The following MME variants were observed in gnomAD, a reference collection of about 807,000 sequenced individuals.
MME encodes neprilysin.
In MME, 98 loss-of-function variants were observed where a neutral mutation model predicts 113.2. The ratio of observed to expected loss-of-function variants is 0.87; its 90% CI spans 0.74 to 1.02. MME has a LOEUF of 1.02. MME is among the 50% of genes least tolerant of loss of function. MME has a pLI of 0.00. For missense variants in MME, 836 were observed against 896.0 expected, an observed-to-expected ratio of 0.93 and a Z score of 0.86; for synonymous variants, 292 against 300.6, an observed-to-expected ratio of 0.97 and a Z score of 0.30.
intron 7 of MME, among the ~76,000 whole-genome samples, chr3:155,117,480 T>G (rs890874485): frequency 3.3e-5 from 5 of 152,214 alleles, no homozygotes; most frequent in Admixed American, 6.5e-5. Flanking sequence ...AAAATGGATT[T>G]ATTGTATTTT....
intron 22 of MME, among the ~76,000 whole-genome samples, chr3:155,176,578 C>T (rs1712539792): frequency 1.3e-5 from 2 of 152,124 alleles, no homozygotes; most frequent in South Asian, 4.1e-4. Flanking sequence ...TTAATTCCAG[C>T]ACTTTGGGAG....
In MME at chr3:155,042,914, A is replaced by ATG. The variant is rs1257688460; in HGVS notation, c.-11+18591_-11+18592insGT. On this transcript the variant is annotated intron_variant, in intron 1 of 22. Coordinates refer to the MME transcript ENST00000492661. ...AATAGTAGGTTTTATATATATATAT[A>ATG]TATATATATATATATATATATATAT... 1.6e-4 allele frequency among the ~76,000 whole-genome samples: 7 copies of ATG among 44,682 alleles called. No homozygotes were observed. In the South Asian group the frequency reaches 2.5e-3, roughly 16 times the overall value. The allele number at this position is 44,682 out of a possible 152,430, so 29.3% of individuals were successfully genotyped here. A position where few individuals can be genotyped will look rare whatever the true frequency, so the allele number is the denominator to read the frequency against.
rs564561420 is a variant in MME at position 155,176,840 on chromosome 3, A to T, written c.2154-3520A>T. On this transcript the variant is annotated intron_variant, in intron 22 of 22. Transcript: ENST00000360490. ...GACCCTGTCTCAGAAAAAATAGATG[A>T]TCTATTCAAAGATTTGATGTCATAA... 3.3e-5 allele frequency among the ~76,000 whole-genome samples: 5 copies of T among 152,258 alleles called. No individual in the cohort carries two copies. In the East Asian group the frequency reaches 9.7e-4, roughly 29 times the overall value.
intron 16 of MME, among the ~76,000 whole-genome samples, chr3:155,153,047 T>C (rs1347872674): frequency 1.3e-5 from 2 of 151,852 alleles, no homozygotes; most frequent in Non-Finnish European, 2.9e-5. Flanking sequence ...ACTTTTTTTT[T>C]TTTTTTTAAG....
intron 1 of MME, among the ~76,000 whole-genome samples, chr3:155,041,564 A>C (rs960403062): frequency 1.3e-5 from 2 of 152,206 alleles, no homozygotes; most frequent in African/African-American, 4.8e-5. Flanking sequence ...AGAAAGAGCA[A>C]TCAAGACATG....
intron 1 of MME, among the ~76,000 whole-genome samples, chr3:155,061,036 CAGTT>C (rs1441590727): frequency 1.3e-5 from 2 of 152,166 alleles, no homozygotes; most frequent in Admixed American, 1.3e-4. Context: ...ATGCAAACAT[CAGTT>C]AGAGGGCTAA....
chr3:155,092,989 G>A (rs1716420961), intron 3 of MME, among the ~76,000 whole-genome samples: 2 of 151,400 alleles, frequency 1.3e-5, no homozygotes, highest in African/African-American at 4.9e-5. Flanking sequence ...GCACAACTGT[G>A]TAAATTTACC....
intron 3 of MME, among the ~76,000 whole-genome samples, chr3:155,108,989 G>A (rs575539918): frequency 5.3e-5 from 8 of 152,246 alleles, no homozygotes; most frequent in South Asian, 4.1e-4. Flanking sequence ...TGGGGGTCCC[G>A]TGTAACTGGA....
chr3:155,167,608 T>C (rs1487146622), intron 18 of MME, among the ~76,000 whole-genome samples: 1 of 152,150 alleles, frequency 6.6e-6, no homozygotes, highest in Non-Finnish European at 1.5e-5. Flanking sequence ...GTTCAATCTA[T>C]GACAAATTTC....
At chr3:155,108,199 C>T (rs1311423740) in intron 3 of MME, among the ~76,000 whole-genome samples, 1 of 152,168 alleles carries the variant, frequency 6.6e-6, no homozygotes, top group African/African-American at 2.4e-5. Context: ...TAGAACAAAA[C>T]TCATATAAAT....
intron 22 of MME, among the ~76,000 whole-genome samples, chr3:155,179,179 A>G (rs1364718450): frequency 1.3e-5 from 2 of 152,162 alleles, no homozygotes; most frequent in Admixed American, 1.3e-4. Context: ...GGTAGCAGGA[A>G]GCTCTGAAGA....
intron 8 of MME, among the ~76,000 whole-genome samples, chr3:155,119,677 T>C (rs1320451804): frequency 1.1e-3 from 172 of 151,240 alleles, no homozygotes; most frequent in African/African-American, 3.7e-3. Flanking sequence ...GTTTGGTTTT[T>C]TGTTCTTGCG....
chr3:155,122,072 T>C (rs1719194189), intron 8 of MME, among the ~76,000 whole-genome samples: 2 of 118,076 alleles, frequency 1.7e-5, no homozygotes, highest in African/African-American at 3.3e-5. Context: ...TGGTAAACTA[T>C]TGATTATTGC....
intron 3 of MME, among the ~76,000 whole-genome samples, chr3:155,109,448 G>A (rs1007664323): frequency 6.6e-5 from 10 of 152,138 alleles, no homozygotes; most frequent in African/African-American, 2.4e-4. Context: ...GAGGTTCCGT[G>A]CAACACTTTA....
chr3:155,118,619 G>A, intron 7 of MME, 127 bp from the exon 8 acceptor site: 3 of 692,260 alleles, frequency 4.3e-6, no homozygotes, highest in East Asian at 2.7e-5. Context: ...TTTATTGAGT[G>A]TCTGATGGTC....
At chr3:155,075,090 TTTAA>T (rs746477844), upstream of MME, among the ~76,000 whole-genome samples, 9 of 151,868 alleles carry the variant, frequency 5.9e-5, no homozygotes, top group Non-Finnish European at 1.2e-4. Context: ...ATTTTACCCT[TTTAA>T]TTCTTATATT....
At chr3:155,172,944 G>A (rs568894424) in intron 22 of MME, among the ~76,000 whole-genome samples, 2 of 152,112 alleles carry the variant, frequency 1.3e-5, no homozygotes, top group Admixed American at 6.6e-5. Flanking sequence ...GCTGTGAATG[G>A]TTTAGGCCCA....
chr3:155,172,385 G>A, intron 21 of MME, 151 bp from the exon 22 acceptor site: 1 of 802,842 alleles, frequency 1.2e-6, no homozygotes, highest in Non-Finnish European at 2.2e-6. Context: ...CTATGTTCCT[G>A]GTTGCCTTTC....
intron 15 of MME, 53 bp downstream of exon 15, chr3:155,147,277 G>T: frequency 2.6e-6 from 3 of 1,158,496 alleles, no homozygotes; most frequent in Non-Finnish European, 3.9e-6. Context: ...GCTGGTAGTA[G>T]TGTCATTTTT....
Sources: gnomAD v4.1 joint callset for allele counts (sites outside exome capture counted in the v4.1 genomes callset) on GRCh38, gnomAD v4.1.1 for gene constraint, MANE v1.5 for transcripts, NCBI Gene and HGNC (gene_info 2026-07-23, HGNC 2026-07-21) for gene names.